The following ETV6 variants were observed in gnomAD, a reference collection of about 807,000 sequenced individuals.
ETV6 encodes the protein transcription factor ETV6.
Under a neutral mutation model 51.1 loss-of-function variants are expected in ETV6, and 16 were observed. That is an observed-to-expected ratio of 0.31 (90% CI 0.21 to 0.48). The LOEUF is 0.48. Among genes scored for constraint, ETV6 ranks in the 20% least tolerant of loss-of-function variants. The pLI is 0.99. For synonymous variants in ETV6, 240 were observed against 224.1 expected, an observed-to-expected ratio of 1.07 and a Z score of -0.64; for missense variants, 458 against 594.8, an observed-to-expected ratio of 0.77 and a Z score of 2.39.
At chr12:11,803,230 G>A (rs1306530875) in intron 2 of ETV6, among the ~76,000 whole-genome samples, 1 of 152,114 alleles carries the variant, frequency 6.6e-6, no homozygotes, top group Non-Finnish European at 1.5e-5. Flanking sequence ...ATGTCTTTAG[G>A]TGGACTTTTG....
At chr12:11,666,211 G>A (rs532029985) in intron 1 of ETV6, among the ~76,000 whole-genome samples, 4 of 152,290 alleles carry the variant, frequency 2.6e-5, no homozygotes, top group Admixed American at 6.5e-5. Flanking sequence ...AAACTTCTCT[G>A]AGGTCTGTGA....
intron 2 of ETV6, among the ~76,000 whole-genome samples, chr12:11,765,460 C>CTT (rs1337369626): frequency 6.9e-6 from 1 of 144,868 alleles, no homozygotes; most frequent in African/African-American, 2.5e-5. Flanking sequence ...CTTTTCACCA[C>CTT]TTTTTTTTTT....
At chr12:11,856,295 G>T (rs558157485) in intron 4 of ETV6, among the ~76,000 whole-genome samples, 86 of 152,328 alleles carry the variant, frequency 5.6e-4, no homozygotes, top group Non-Finnish European at 4.6e-4. Flanking sequence ...AGCTCAGTAG[G>T]TAAGAGGATG....
rs763112765 is a variant in ETV6, at chr12:11,894,280, G to A, written c.*3234G>A. On this transcript the variant is annotated 3_prime_UTR_variant, in exon 8 of 8. Coordinates refer to ENST00000396373, the MANE Select transcript of ETV6 (RefSeq NM_001987.5). The stretch of plus-strand genomic sequence containing the variant: ...GAGGAAAATGCAAAGGAGCCCTGCC[G>A]TGTGATGGATGTGCATTCTCACTTG... The A allele has an allele frequency of 1.1e-4, 25 of 232,722 alleles. No homozygotes were observed. Among genetic ancestry groups the A allele is most frequent in the African/African-American group, 2.9e-4 (13 of 45,308 alleles). The allele number at this position is 232,722 out of a possible 1,614,324, so 14.4% of individuals were successfully genotyped here. A position where few individuals can be genotyped will look rare whatever the true frequency, so the allele number is the denominator to read the frequency against.
chr12:11,743,555 G>T (rs1865850435), intron 1 of ETV6, among the ~76,000 whole-genome samples: 2 of 152,130 alleles, frequency 1.3e-5, no homozygotes, highest in South Asian at 4.1e-4. Context: ...CAGTGGGGTA[G>T]TATCAAGTAC....
intron 1 of ETV6, among the ~76,000 whole-genome samples, chr12:11,692,068 C>T (rs568319523): frequency 2.6e-5 from 4 of 152,264 alleles, no homozygotes; most frequent in Admixed American, 1.3e-4. Context: ...CCTTAATCCC[C>T]GGTATGGCAG....
intron 3 of ETV6, among the ~76,000 whole-genome samples, chr12:11,850,546 TGTG>T (rs200242282): frequency 6.7e-6 from 1 of 150,196 alleles, no homozygotes; most frequent in Non-Finnish European, 1.5e-5. Context: ...TGGGAGTGTT[TGTG>T]GTGGTGGTGG....
chr12:11,794,614 A>C (rs1183381585), intron 2 of ETV6, among the ~76,000 whole-genome samples: 1 of 152,220 alleles, frequency 6.6e-6, no homozygotes, highest in African/African-American at 2.4e-5. Flanking sequence ...GTTTCCTTGC[A>C]CCTGAGTTTT....
intron 1 of ETV6, among the ~76,000 whole-genome samples, chr12:11,723,937 G>T (rs1865440506): frequency 6.6e-6 from 1 of 151,756 alleles, no homozygotes; most frequent in African/African-American, 2.4e-5. Flanking sequence ...GGGAGGGCCG[G>T]ACCTACACTC....
chr12:11,663,238 G>A (rs1037231485), intron 1 of ETV6, among the ~76,000 whole-genome samples: 3 of 151,890 alleles, frequency 2.0e-5, no homozygotes, highest in African/African-American at 7.2e-5. Context: ...CGGTTCCTAG[G>A]TACAGCTACC....
chr12:11,861,789 C>A (rs1946722519), intron 4 of ETV6, among the ~76,000 whole-genome samples: 1 of 152,190 alleles, frequency 6.6e-6, no homozygotes, highest in African/African-American at 2.4e-5. Context: ...CACTCCAGGG[C>A]CTCTCTGCCT....
chr12:11,654,269 C>A (rs954685333), intron 1 of ETV6, among the ~76,000 whole-genome samples: 2 of 152,128 alleles, frequency 1.3e-5, no homozygotes, highest in Admixed American at 1.3e-4. Flanking sequence ...GTTTTTCTGA[C>A]AATAGAATCA....
At chr12:11,756,732 C>G (rs963131794) in intron 2 of ETV6, among the ~76,000 whole-genome samples, 65 of 152,240 alleles carry the variant, frequency 4.3e-4, no homozygotes, top group African/African-American at 1.4e-3. Flanking sequence ...GGAGTGGCTG[C>G]TGAAGGGGGC....
At chr12:11,728,228 A>G (rs1865526304) in intron 1 of ETV6, among the ~76,000 whole-genome samples, 1 of 152,206 alleles carries the variant, frequency 6.6e-6, no homozygotes. Context: ...TTCGGCACAG[A>G]GGAGTAAATT....
intron 2 of ETV6, among the ~76,000 whole-genome samples, chr12:11,803,215 T>G (rs1042891312): frequency 2.0e-5 from 3 of 152,230 alleles, no homozygotes; most frequent in African/African-American, 7.2e-5. Context: ...ATCAGTGAAC[T>G]GGACATGTCT....
At chr12:11,699,561 A>G (rs2856320) in intron 1 of ETV6, among the ~76,000 whole-genome samples, 141,455 of 152,162 alleles carry the variant, frequency 0.93, 65,819 homozygotes, top group Admixed American at 0.96. Flanking sequence ...TGGAAACCCA[A>G]AGAGCTATCC....
At chr12:11,812,453 C>T (rs1307215531) in intron 2 of ETV6, among the ~76,000 whole-genome samples, 1 of 152,192 alleles carries the variant, frequency 6.6e-6, no homozygotes, top group South Asian at 2.1e-4. Context: ...TAGCTCACTC[C>T]TCCCCCTGTG....
intron 1 of ETV6, among the ~76,000 whole-genome samples, chr12:11,744,858 A>T (rs1865877818): frequency 6.6e-6 from 1 of 152,118 alleles, no homozygotes; most frequent in African/African-American, 2.4e-5. Context: ...AAGGAATCAC[A>T]GTTTTACTTT....
chr12:11,766,414 C>A (rs903580639), intron 2 of ETV6, among the ~76,000 whole-genome samples: 1 of 152,264 alleles, frequency 6.6e-6, no homozygotes, highest in South Asian at 2.1e-4. Flanking sequence ...GCAGGCAAAG[C>A]CCTATTATAC....
Sources: gnomAD v4.1 joint callset for allele counts (sites outside exome capture counted in the v4.1 genomes callset) on GRCh38, gnomAD v4.1.1 for gene constraint, MANE v1.5 for transcripts, NCBI Gene and HGNC (gene_info 2026-07-23, HGNC 2026-07-21) for gene names.